The following MYCBP2 variants were observed in gnomAD, a reference collection of about 807,000 sequenced individuals.
The protein encoded by MYCBP2 is MYC binding protein 2.
MYCBP2 carries 120 observed loss-of-function variants against 525.3 expected under a neutral mutation model. The ratio of observed to expected loss-of-function variants is 0.23; its 90% CI spans 0.20 to 0.27. The LOEUF (loss-of-function observed/expected upper bound fraction) is 0.27. MYCBP2 is among the 10% of genes least tolerant of loss of function. The pLI is 1.00. For synonymous variants in MYCBP2, 1,894 were observed against 1,955.8 expected, an observed-to-expected ratio of 0.97 and a Z score of 0.83; for missense variants, 4,149 against 5,657.1, an observed-to-expected ratio of 0.73 and a Z score of 8.55.
intron 68 of MYCBP2, among the ~76,000 whole-genome samples, chr13:77,073,113 C>T (rs1176063130): frequency 2.0e-5 from 3 of 151,898 alleles, no homozygotes; most frequent in African/African-American, 4.8e-5. Context: ...ATTTTTATTA[C>T]TTCTAAAAGA....
intron 14 of MYCBP2, among the ~76,000 whole-genome samples, chr13:77,256,858 T>C (rs1230613333): frequency 6.6e-6 from 1 of 152,108 alleles, no homozygotes; most frequent in Non-Finnish European, 1.5e-5. Flanking sequence ...GAACTCAATA[T>C]GATCCAACAA....
intron 18 of MYCBP2, among the ~76,000 whole-genome samples, chr13:77,226,016 T>C (rs1399291626): frequency 6.6e-6 from 1 of 152,212 alleles, no homozygotes; most frequent in African/African-American, 2.4e-5. Context: ...AAATAGATCT[T>C]AGAAAGGCTA....
intron 53 of MYCBP2, 23 bp downstream of exon 53, chr13:77,126,295 C>T (rs2154166603): frequency 1.3e-6 from 2 of 1,595,400 alleles, no homozygotes; most frequent in East Asian, 4.5e-5. Context: ...TCTTAGAAGT[C>T]ATGAAGCTAC....
intron 5 of MYCBP2, 41 bp downstream of exon 5, chr13:77,273,431 G>A: frequency 6.7e-7 from 1 of 1,493,022 alleles, no homozygotes; most frequent in Non-Finnish European, 8.9e-7. Flanking sequence ...ACTGTAACTT[G>A]TCATCTTATA....
chr13:77,069,192 CT>C (rs1476581544), intron 69 of MYCBP2, among the ~76,000 whole-genome samples: 1 of 152,166 alleles, frequency 6.6e-6, no homozygotes, highest in Non-Finnish European at 1.5e-5. Flanking sequence ...TGCTTTATAG[CT>C]GATAAGATTC....
chr13:77,231,314 TC>T (rs1229417234), intron 18 of MYCBP2, among the ~76,000 whole-genome samples: 1 of 152,220 alleles, frequency 6.6e-6, no homozygotes, highest in Non-Finnish European at 1.5e-5. Flanking sequence ...AACCTCTGCC[TC>T]CCAGGCTCAA....
intron 69 of MYCBP2, 127 bp from the exon 70 acceptor site, chr13:77,068,958 C>T (rs868386573): frequency 2.2e-6 from 2 of 892,732 alleles, no homozygotes; most frequent in African/African-American, 1.7e-5. Context: ...ACTATTCTCC[C>T]AGTTAATTCT....
At chr13:77,084,027 C>T (rs1352143744) in intron 62 of MYCBP2, among the ~76,000 whole-genome samples, 1 of 152,162 alleles carries the variant, frequency 6.6e-6, no homozygotes, top group African/African-American at 2.4e-5. Flanking sequence ...TATTATCCCA[C>T]TGCATAGTAT....
chr13:77,229,212 T>A (rs2066780297), intron 18 of MYCBP2, among the ~76,000 whole-genome samples: 1 of 152,228 alleles, frequency 6.6e-6, no homozygotes, highest in South Asian at 2.1e-4. Context: ...GCAACAATGA[T>A]ATGTAACTCA....
rs540247649 is a variant in MYCBP2 at position 77,309,876 on chromosome 13, G to A, written c.303-13202C>T. 7.2e-5 allele frequency among the ~76,000 whole-genome samples: 11 copies of A among 152,302 alleles called. No individual in the cohort carries two copies. The East Asian group carries it at 2.1e-3, about 29-fold the overall frequency. ...CGCCTGTAATCTCAGTACTTTGGGA[G>A]GTCGAGGCGGGCAAATCACGAGGTC... On this transcript the variant is annotated intron_variant, in intron 1 of 82. Coordinates refer to ENST00000544440, the MANE Select transcript of MYCBP2 (RefSeq NM_015057.5).
chr13:77,290,831 C>T (rs1171214246), intron 2 of MYCBP2, among the ~76,000 whole-genome samples: 1 of 152,106 alleles, frequency 6.6e-6, no homozygotes, highest in Non-Finnish European at 1.5e-5. Context: ...ATTACACAGA[C>T]TTAGGTGCAC....
rs762351491 is a variant in MYCBP2, at chr13:77,064,573, A to C, written c.12672+42T>G. 13 of 1,549,602 alleles carry C rather than the reference A, an allele frequency of 8.4e-6. No individual in the cohort carries two copies. The Admixed American group carries it at 2.5e-4, about 30-fold the overall frequency. On this transcript the variant is annotated intron_variant, in intron 73 of 82. Coordinates refer to ENST00000544440, the MANE Select transcript of MYCBP2 (RefSeq NM_015057.5). Reference sequence around the variant, plus strand: ...TTACTAAAAAAGAACACGCAATGATACACACCAAATTTAAAACAAAACAAA... The same window carrying C: ...TTACTAAAAAAGAACACGCAATGATCCACACCAAATTTAAAACAAAACAAA...
intron 3 of MYCBP2, among the ~76,000 whole-genome samples, chr13:77,282,781 T>C (rs949580831): frequency 2.0e-5 from 3 of 152,194 alleles, no homozygotes; most frequent in Non-Finnish European, 4.4e-5. Context: ...CTGTTCCTCA[T>C]CCAGTATTCC....
At chr13:77,125,192 G>A in intron 54 of MYCBP2, 144 bp downstream of exon 54, 1 of 1,001,312 alleles carries the variant, frequency 1.0e-6, no homozygotes, top group Admixed American at 2.5e-5. Flanking sequence ...AATTTTAACA[G>A]TTGCAAGATT....
Position 77,097,661 on chromosome 13 carries a change from C to T in MYCBP2, c.9493G>A (p.Ala3165Thr). 1.9e-6 allele frequency: 3 copies of T among 1,613,744 alleles called. No individual in the cohort carries two copies. Among genetic ancestry groups the T allele is most frequent in the Non-Finnish European group, 2.5e-6 (3 of 1,179,816 alleles). ...PLPLTLQHLV[A>T]FWEDISLATI... ...GCCAAAGAGATGTCTTCCCAAAAAG[C>T]CACTAAATGTTGTAAAGTTAAGGGA... is the stretch of plus-strand genomic sequence containing the variant. The change falls in exon 56 of 83, where the codon GCT (alanine) becomes ACT (threonine). Residue 3165 changes from alanine (A) to threonine (T), a missense_variant. This residue lies in a region of MYCBP2 where 653 missense variants were observed against 744.7 expected (regional missense o/e 0.88). Coordinates refer to ENST00000544440, the MANE Select transcript of MYCBP2 (RefSeq NM_015057.5).
chr13:77,174,685 TC>T (rs1050919292), intron 36 of MYCBP2, among the ~76,000 whole-genome samples, 196 bp from the exon 37 acceptor site: 1 of 151,098 alleles, frequency 6.6e-6, no homozygotes, highest in African/African-American at 2.4e-5. Flanking sequence ...AAAGCAACTG[TC>T]CTAACTACTT....
chr13:77,130,148 C>T (rs9600821), intron 52 of MYCBP2, among the ~76,000 whole-genome samples: 2,463 of 151,660 alleles, frequency 0.016, 42 homozygotes, highest in Non-Finnish European at 0.025. Context: ...GTAGCAATTG[C>T]ACAATTTTAT....
At chr13:77,116,303 A>G (rs1220065169) in intron 55 of MYCBP2, among the ~76,000 whole-genome samples, 1 of 151,984 alleles carries the variant, frequency 6.6e-6, no homozygotes, top group Non-Finnish European at 1.5e-5. Context: ...AGGGAAGTTC[A>G]CTAAGAATAA....
chr13:77,152,727 C>T (rs1189093332), intron 46 of MYCBP2, among the ~76,000 whole-genome samples: 1 of 152,090 alleles, frequency 6.6e-6, no homozygotes, highest in Non-Finnish European at 1.5e-5. Context: ...CACACCATGC[C>T]CTTTCTAGCT....
Sources: allele counts gnomAD v4.1 joint callset (sites outside exome capture counted in the v4.1 genomes callset), GRCh38; gene constraint gnomAD v4.1.1; regional missense constraint gnomAD v4.1.1; transcripts MANE v1.5; gene names NCBI Gene and HGNC (gene_info 2026-07-23, HGNC 2026-07-21).